The following SULT1C3 variants were observed in gnomAD, a reference collection of about 807,000 sequenced individuals.
SULT1C3 encodes the protein sulfotransferase family 1C member 3.
In SULT1C3, 31 loss-of-function variants were observed where a neutral mutation model predicts 28.4. That is an observed-to-expected ratio of 1.09 (90% confidence interval 0.82 to 1.47). The LOEUF is 1.47. Ranked by LOEUF, SULT1C3 falls within the 40% of genes most tolerant of loss-of-function variation. SULT1C3 has a pLI of 0.00. For missense variants in SULT1C3, 307 were observed against 272.5 expected, an observed-to-expected ratio of 1.13 and a Z score of -0.89; for synonymous variants, 106 against 92.2, an observed-to-expected ratio of 1.15 and a Z score of -0.86.
At chr2:108,256,623 G>A (rs966194526) in intron 5 of SULT1C3, among the ~76,000 whole-genome samples, 5 of 152,056 alleles carry the variant, frequency 3.3e-5, no homozygotes, top group Non-Finnish European at 2.9e-5. Context: ...CCCTGAGCAA[G>A]TGTGTTAGGG....
At chr2:108,264,824 G>A (rs1448183485), downstream of SULT1C3, 2 of 1,605,360 alleles carry the variant, frequency 1.2e-6, no homozygotes, top group African/African-American at 1.3e-5. Flanking sequence ...TCCACATACA[G>A]GACCCAAAGC....
intron 2 of SULT1C3, among the ~76,000 whole-genome samples, chr2:108,247,911 A>G (rs1211192526): frequency 1.3e-5 from 2 of 152,098 alleles, no homozygotes; most frequent in African/African-American, 4.8e-5. Context: ...ACTGGAACAC[A>G]TGCTAGAGTC....
chr2:108,259,882 A>G (rs1172455704), intron 7 of SULT1C3, among the ~76,000 whole-genome samples: 1 of 152,146 alleles, frequency 6.6e-6, no homozygotes, highest in East Asian at 1.9e-4. Context: ...TGGCTGTATC[A>G]AAATTACCTT....
chr2:108,252,310 CTT>C, intron 2 of SULT1C3, 53 bp from the exon 3 acceptor site: 1 of 1,516,838 alleles, frequency 6.6e-7, no homozygotes, highest in Non-Finnish European at 8.9e-7. Flanking sequence ...TATTCAATAA[CTT>C]AGAATGAAAG....
chr2:108,241,052 A>T (rs1394214929), intron 1 of SULT1C3, among the ~76,000 whole-genome samples: 1 of 152,216 alleles, frequency 6.6e-6, no homozygotes, highest in Non-Finnish European at 1.5e-5. Context: ...AGTTCCCAAG[A>T]TCAACATGGA....
intron 2 of SULT1C3, among the ~76,000 whole-genome samples, chr2:108,250,953 A>G (rs1355413969): frequency 4.6e-5 from 7 of 152,062 alleles, no homozygotes; most frequent in African/African-American, 1.4e-4. Flanking sequence ...ACTCTTATCT[A>G]TGGTAATGGC....
chr2:108,257,515 C>T (rs1393481152), intron 5 of SULT1C3, among the ~76,000 whole-genome samples: 1 of 151,936 alleles, frequency 6.6e-6, no homozygotes, highest in Non-Finnish European at 1.5e-5. Context: ...CCCCTTTATA[C>T]TTGGTTTCCC....
At chr2:108,260,526 A>G (rs1172937640) in intron 7 of SULT1C3, 42 bp from the exon 8 acceptor site, 1 of 484,138 alleles carries the variant, frequency 2.1e-6, no homozygotes, top group South Asian at 1.5e-5. Context: ...GTTAGGTGGA[A>G]TGGGTGCAGA....
intron 7 of SULT1C3, among the ~76,000 whole-genome samples, chr2:108,259,587 A>G (rs1265254055): frequency 1.3e-5 from 2 of 152,124 alleles, no homozygotes; most frequent in African/African-American, 2.4e-5. Context: ...AGCACTTAGT[A>G]CTTGGATTTG....
At chr2:108,260,919 G>A (rs115157871), downstream of SULT1C3, among the ~76,000 whole-genome samples, 775 of 152,218 alleles carry the variant, frequency 5.1e-3, 8 homozygotes, top group African/African-American at 0.018. Context: ...TTGTTTGTTT[G>A]TTTTTTAAGT....
At position 108,260,420 on chromosome 2, in the gene SULT1C3, C is replaced by T. The variant is rs185281227; in HGVS notation, c.803-148C>T. The T allele has an allele frequency of 1.8e-3, 574 of 320,038 alleles. 3 individuals are homozygous for T. The highest frequency in any genetic ancestry group is 6.4e-3 in the Admixed American group (167 of 26,042). The allele number at this position is 320,038 out of a possible 1,614,324, so 19.8% of individuals were successfully genotyped here. A position where few individuals can be genotyped will look rare whatever the true frequency, so the allele number is the denominator to read the frequency against. ...GCCAAGTGGAGTGGAAATGAGGGACCATTCATAGTGGAAAGACCAGAGGGA... is the reference window on the plus strand; with the variant it reads ...GCCAAGTGGAGTGGAAATGAGGGACTATTCATAGTGGAAAGACCAGAGGGA... On this transcript the variant is annotated intron_variant, in intron 7 of 7. Transcript: ENST00000681802.
At chr2:108,254,807 ATGTATATATG>A (rs899209038) in intron 4 of SULT1C3, among the ~76,000 whole-genome samples, 17 of 151,224 alleles carry the variant, frequency 1.1e-4, no homozygotes, top group Admixed American at 2.6e-4. Flanking sequence ...ATGCATATAT[ATGTATATATG>A]TGTATATATA....
At chr2:108,245,506 A>C (rs550985148) in intron 1 of SULT1C3, among the ~76,000 whole-genome samples, 2 of 152,312 alleles carry the variant, frequency 1.3e-5, no homozygotes, top group Admixed American at 1.3e-4. Context: ...GAGACAGAAT[A>C]GGTGCCTTAA....
intron 1 of SULT1C3, among the ~76,000 whole-genome samples, chr2:108,240,707 C>T (rs1160816497): frequency 2.0e-5 from 3 of 152,082 alleles, no homozygotes; most frequent in South Asian, 2.1e-4. Flanking sequence ...AAGCAGGGTT[C>T]GTCTAAAATG....
At chr2:108,258,681 G>A in intron 5 of SULT1C3, 53 bp from the exon 6 acceptor site, 1 of 1,349,144 alleles carries the variant, frequency 7.4e-7, no homozygotes, top group Non-Finnish European at 1.0e-6. Context: ...TTACTTTATA[G>A]CCTTGGGTTT....
downstream of SULT1C3, among the ~76,000 whole-genome samples, chr2:108,262,017 G>A (rs1008807750): frequency 6.6e-5 from 10 of 152,112 alleles, no homozygotes; most frequent in African/African-American, 2.2e-4. Flanking sequence ...TGGGGTGAAA[G>A]TTCCCCATCA....
intron 4 of SULT1C3, among the ~76,000 whole-genome samples, chr2:108,254,717 GTA>G (rs1281464827): frequency 4.8e-5 from 7 of 145,152 alleles, no homozygotes; most frequent in South Asian, 2.2e-4. Flanking sequence ...ATATATGTAT[GTA>G]TATATATGTA....
chr2:108,259,928 A>T (rs897379885), intron 7 of SULT1C3, among the ~76,000 whole-genome samples: 3 of 152,124 alleles, frequency 2.0e-5, no homozygotes, highest in Non-Finnish European at 2.9e-5. Flanking sequence ...CATTCCAATT[A>T]ACTAGTTGCA....
In SULT1C3 at chr2:108,250,545, G is replaced by C. The variant is rs75630684; in HGVS notation, c.173-1820G>C. The stretch of plus-strand genomic sequence containing the variant: ...ACACAACCCAGCAACTCCAATCCTA[G>C]AGATTCACCCCCACCCCCAAAATAG... On this transcript the variant is annotated intron_variant, in intron 2 of 7. Coordinates refer to ENST00000681802, the MANE Select transcript of SULT1C3 (RefSeq NM_001320878.2). Among the ~76,000 whole-genome samples the C allele has an allele frequency of 2.0e-5, 3 of 151,754 alleles. No homozygotes were observed. In the East Asian group the frequency reaches 5.8e-4, roughly 30 times the overall value.
Sources: gnomAD v4.1 joint callset for allele counts (sites outside exome capture counted in the v4.1 genomes callset) on GRCh38, gnomAD v4.1.1 for gene constraint, MANE v1.5 for transcripts, NCBI Gene and HGNC (gene_info 2026-07-23, HGNC 2026-07-21) for gene names.